The following ARFGEF2 variants were observed in gnomAD, a reference collection of about 807,000 sequenced individuals.
The protein encoded by ARFGEF2 is ARF guanine nucleotide exchange factor 2.
ARFGEF2 carries 74 observed loss-of-function variants against 219.9 expected under a neutral mutation model. The ratio of observed to expected loss-of-function variants is 0.34; its 90% CI spans 0.28 to 0.41. The LOEUF (loss-of-function observed/expected upper bound fraction) is 0.41. Among genes scored for constraint, ARFGEF2 ranks in the 10% least tolerant of loss-of-function variants. ARFGEF2 has a pLI of 1.00. For synonymous variants in ARFGEF2, 733 were observed against 799.2 expected (o/e 0.92, Z 1.40); for missense variants, 1,743 against 2,218.3 (o/e 0.79, Z 4.30).
At chr20:48,992,361 A>G (rs938632113) in intron 21 of ARFGEF2, among the ~76,000 whole-genome samples, 4 of 152,072 alleles carry the variant, frequency 2.6e-5, no homozygotes, top group African/African-American at 9.7e-5. Flanking sequence ...GTTTAGAGAG[A>G]AAACTGTGAA....
In ARFGEF2 at chr20:48,991,951, T is replaced by C. The variant is rs144726658; in HGVS notation, c.2973+753T>C. 3.5e-3 allele frequency among the ~76,000 whole-genome samples: 538 copies of C among 152,308 alleles called. 24 individuals are homozygous for C. The East Asian group carries it at 0.096, about 27-fold the overall frequency. ...TTGATTCAAGCCTATATTGCCAGTT[T>C]ACAGGAAATACAGTGGACAGAGAAG... is the stretch of plus-strand genomic sequence containing the variant. On this transcript the variant is annotated intron_variant, in intron 21 of 38. Transcript: ENST00000371917.
intron 1 of ARFGEF2, among the ~76,000 whole-genome samples, chr20:48,936,660 G>A (rs2090960220): frequency 6.6e-6 from 1 of 152,158 alleles, no homozygotes; most frequent in African/African-American, 2.4e-5. Flanking sequence ...GAGTAGCTGG[G>A]ACTACAGGCG....
intron 3 of ARFGEF2, among the ~76,000 whole-genome samples, chr20:48,949,093 C>T (rs941100914): frequency 2.0e-5 from 3 of 152,210 alleles, no homozygotes; most frequent in South Asian, 4.1e-4. Flanking sequence ...AGGAACTCTC[C>T]TTTCTCCTGG....
At chr20:49,001,778 G>T (rs896633825) in intron 25 of ARFGEF2, among the ~76,000 whole-genome samples, 3 of 151,998 alleles carry the variant, frequency 2.0e-5, no homozygotes, top group African/African-American at 7.3e-5. Context: ...GTATTCATGT[G>T]CATATGTATG....
At chr20:48,958,858 A>G (rs1298381048) in intron 6 of ARFGEF2, among the ~76,000 whole-genome samples, 2 of 152,034 alleles carry the variant, frequency 1.3e-5, no homozygotes, top group Non-Finnish European at 2.9e-5. Flanking sequence ...GTGTGATGGC[A>G]CCTCGCATTT....
chr20:48,987,126 A>G (rs1287120327), intron 16 of ARFGEF2, among the ~76,000 whole-genome samples: 1 of 152,330 alleles, frequency 6.6e-6, no homozygotes, highest in East Asian at 1.9e-4. Context: ...AAGGCAGCAT[A>G]TCATCATTTT....
At chr20:49,005,303 T>C in intron 26 of ARFGEF2, 82 bp downstream of exon 26, 1 of 1,555,118 alleles carries the variant, frequency 6.4e-7, no homozygotes, top group Non-Finnish European at 8.8e-7. Context: ...ACCACATGAT[T>C]AATTTTTTTC....
In ARFGEF2 at chr20:49,028,513, G is replaced by T; in HGVS notation, c.4925-17G>T. 6.2e-7 allele frequency: 1 copy of T among 1,613,152 alleles called. No homozygotes were observed. The highest frequency in any genetic ancestry group is 1.1e-5 in the South Asian group (1 of 91,034). On this transcript the variant is annotated splice_polypyrimidine_tract_variant and intron_variant, in intron 36 of 38. Transcript: ENST00000371917. ...TCTTAGAAATGTGCACTAATTATAT[G>T]ACTGTCTGATCTCTAGGTTTTAAGG...
intron 1 of ARFGEF2, among the ~76,000 whole-genome samples, chr20:48,933,163 C>G (rs1568688354): frequency 1.3e-5 from 2 of 152,216 alleles, no homozygotes; most frequent in Non-Finnish European, 2.9e-5. Flanking sequence ...GCTCCAGTCT[C>G]CCTCATTTCC....
In ARFGEF2 at chr20:49,028,667, A is replaced by G. The variant is rs750952311; in HGVS notation, c.5062A>G (p.Thr1688Ala). ...GGAAGAAATACAGCAGAGACTTTTA[A>G]CGTAAGAAAATTAGTTTCTGATTAG... ...SWEEIQQRLL[T>A]VCSEALAYFI... The change falls in exon 37 of 39, where the codon ACT becomes GCT. Residue 1688 changes from threonine (T) to alanine (A), a missense_variant and splice_region_variant. Thr to Ala is a moderately conservative substitution (Grantham distance 58). This residue lies in a region of ARFGEF2 where 578 missense variants were observed against 664.0 expected (regional missense o/e 0.87). Transcript: ENST00000371917. 1.2e-6 allele frequency: 2 copies of G among 1,613,836 alleles called. No homozygotes were observed. Among genetic ancestry groups the G allele is most frequent in the Non-Finnish European group, 1.7e-6 (2 of 1,179,904 alleles).
chr20:48,954,318 G>A (rs954088011), intron 6 of ARFGEF2, among the ~76,000 whole-genome samples: 2 of 152,188 alleles, frequency 1.3e-5, no homozygotes, highest in African/African-American at 2.4e-5. Context: ...GGGTTTTTAA[G>A]TGAGAGACTA....
At chr20:48,979,450 T>C (rs2091282522) in intron 14 of ARFGEF2, among the ~76,000 whole-genome samples, 1 of 152,188 alleles carries the variant, frequency 6.6e-6, no homozygotes, top group African/African-American at 2.4e-5. Context: ...TTTTATTGTG[T>C]CTCTGCCAGG....
chr20:49,032,753 A>G (rs1270101888), intron 38 of ARFGEF2, among the ~76,000 whole-genome samples: 1 of 151,894 alleles, frequency 6.6e-6, no homozygotes, highest in Non-Finnish European at 1.5e-5. Context: ...CACTATGCCC[A>G]GCTAAGTTTT....
Position 49,010,336 on chromosome 20 carries a change from A to G in ARFGEF2, c.3689A>G (p.His1230Arg), listed in dbSNP as rs760532505. The G allele has an allele frequency of 3.1e-6, 5 of 1,614,022 alleles. No individual in the cohort carries two copies. The highest frequency in any genetic ancestry group is 4.2e-6 in the Non-Finnish European group (5 of 1,179,992). The change falls in exon 27 of 39, where the codon CAC (histidine) becomes CGC (arginine). Residue 1230 changes from histidine to arginine, a missense_variant. By Grantham distance (29) the His-to-Arg change is conservative. This residue lies in a region of ARFGEF2 where 102 missense variants were observed against 146.8 expected (regional missense o/e 0.69). Transcript: ENST00000371917. ...TGGAAGAACATCTTTGCCGTGTTCC[A>G]CCAGGCAGCCTCTGATCATGATGGG... ...SGWKNIFAVF[H>R]QAASDHDGNI...
chr20:48,943,565 T>C (rs998691509), intron 3 of ARFGEF2, among the ~76,000 whole-genome samples: 26 of 152,244 alleles, frequency 1.7e-4, no homozygotes, highest in African/African-American at 6.0e-4. Context: ...CCAAAGAACA[T>C]TTATTCTCTT....
chr20:49,010,098 G>A (rs1370208268), intron 26 of ARFGEF2, 134 bp from the exon 27 acceptor site: 21 of 1,097,374 alleles, frequency 1.9e-5, no homozygotes, highest in Admixed American at 4.3e-5. Flanking sequence ...GAGAGGAAAC[G>A]GGGCAGAGCC....
chr20:48,923,680 C>CT (rs1360741252), intron 1 of ARFGEF2, among the ~76,000 whole-genome samples: 2 of 152,342 alleles, frequency 1.3e-5, no homozygotes, highest in East Asian at 1.9e-4. Flanking sequence ...TGCCTGGACT[C>CT]TATCTTCTCG....
At chr20:48,926,038 C>T (rs1045650766) in intron 1 of ARFGEF2, among the ~76,000 whole-genome samples, 3 of 152,122 alleles carry the variant, frequency 2.0e-5, no homozygotes, top group Non-Finnish European at 4.4e-5. Flanking sequence ...GCTTTTCATG[C>T]AATTTAGTTC....
At chr20:49,031,486 C>G (rs568366924) in intron 37 of ARFGEF2, among the ~76,000 whole-genome samples, 14 of 152,222 alleles carry the variant, frequency 9.2e-5, no homozygotes, top group African/African-American at 3.1e-4. Context: ...GCGTTGGCCT[C>G]CCAGAGTGCT....
Sources: gnomAD v4.1 joint callset for allele counts (sites outside exome capture counted in the v4.1 genomes callset) on GRCh38, gnomAD v4.1.1 for gene constraint, gnomAD v4.1.1 regional missense constraint, MANE v1.5 for transcripts, NCBI Gene and HGNC (gene_info 2026-07-23, HGNC 2026-07-21) for gene names.